The following STK39 variants were observed in gnomAD, a reference collection of about 807,000 sequenced individuals.
The protein encoded by STK39 is serine/threonine kinase 39, also known as STE20/SPS1-related proline-alanine-rich protein kinase.
A neutral mutation model predicts 77.8 loss-of-function variants in STK39; 20 were observed. That is an observed-to-expected ratio of 0.26 (90% CI 0.18 to 0.37). STK39 has a LOEUF of 0.37. Ranked by LOEUF, STK39 falls within the 10% of genes least tolerant of loss-of-function variation. The probability of loss-of-function intolerance (pLI) is 1.00; values close to 1 mark genes in which losing one functional copy is unlikely to be tolerated. For synonymous variants in STK39, 246 were observed against 234.1 expected, an observed-to-expected ratio of 1.05 and a Z score of -0.47; for missense variants, 479 against 656.5, an observed-to-expected ratio of 0.73 and a Z score of 2.95.
chr2:168,089,495 T>C (rs902225648), intron 10 of STK39, among the ~76,000 whole-genome samples: 1 of 152,208 alleles, frequency 6.6e-6, no homozygotes, highest in South Asian at 2.1e-4. Context: ...TTTCAAGAAC[T>C]AAAAAATGAA....
At chr2:168,230,426 G>A (rs1690424455) in intron 1 of STK39, among the ~76,000 whole-genome samples, 1 of 152,170 alleles carries the variant, frequency 6.6e-6, no homozygotes, top group South Asian at 2.1e-4. Flanking sequence ...TGGAAAGTGA[G>A]GGCCAGCCAA....
intron 14 of STK39, among the ~76,000 whole-genome samples, chr2:168,058,018 T>A (rs1165054881): frequency 6.6e-6 from 1 of 152,152 alleles, no homozygotes; most frequent in Non-Finnish European, 1.5e-5. Flanking sequence ...CATGCTTTTT[T>A]TAAAAAAAAT....
intron 1 of STK39, among the ~76,000 whole-genome samples, chr2:168,211,239 A>C (rs965843180): frequency 3.7e-5 from 4 of 109,170 alleles, no homozygotes; most frequent in African/African-American, 9.0e-5. Context: ...CACCCCATCT[A>C]TCTCATCTCA....
At chr2:168,231,903 G>A (rs1331048096) in intron 1 of STK39, 7 of 235,290 alleles carry the variant, frequency 3.0e-5, no homozygotes, top group Non-Finnish European at 6.6e-5. Flanking sequence ...GTGGGGGGAG[G>A]AAGGGGCCAC....
intron 10 of STK39, among the ~76,000 whole-genome samples, chr2:168,093,789 G>T (rs1420323935): frequency 1.3e-5 from 2 of 152,120 alleles, no homozygotes; most frequent in East Asian, 3.9e-4. Context: ...AAGGCAAACT[G>T]GTCGCTGCAT....
intron 10 of STK39, among the ~76,000 whole-genome samples, chr2:168,113,671 C>T (rs1417335070): frequency 6.6e-6 from 1 of 152,170 alleles, no homozygotes; most frequent in Non-Finnish European, 1.5e-5. Flanking sequence ...GACACAGAGG[C>T]TGTCTCAGTC....
chr2:168,044,444 A>G (rs1250889333), intron 14 of STK39, among the ~76,000 whole-genome samples: 1 of 152,206 alleles, frequency 6.6e-6, no homozygotes, highest in African/African-American at 2.4e-5. Context: ...AGCCTAAGAG[A>G]GGTTACTGGG....
chr2:168,218,702 T>G (rs752153952), intron 1 of STK39, among the ~76,000 whole-genome samples: 2 of 152,044 alleles, frequency 1.3e-5, no homozygotes, highest in African/African-American at 2.4e-5. Context: ...ACACTCCTCC[T>G]CCACCCCCAA....
chr2:168,088,812 T>C (rs772156214), intron 10 of STK39, among the ~76,000 whole-genome samples: 15 of 152,176 alleles, frequency 9.9e-5, no homozygotes, highest in African/African-American at 2.4e-4. Context: ...TTTTTCACCA[T>C]GTTGTACACT....
chr2:168,004,732 C>CAA (rs529234296), intron 16 of STK39, among the ~76,000 whole-genome samples: 2 of 93,802 alleles, frequency 2.1e-5, no homozygotes, highest in Non-Finnish European at 4.8e-5. Context: ...GACTCCATCT[C>CAA]AAAAAAAAAA....
Position 168,081,307 on chromosome 2 carries a change from T to C in STK39, c.1090-6076A>G, listed in dbSNP as rs548465607. Among the ~76,000 whole-genome samples the C allele has an allele frequency of 3.9e-5, 6 of 152,286 alleles. No homozygotes were observed. The South Asian group carries it at 1.0e-3, about 26-fold the overall frequency. On this transcript the variant is annotated intron_variant, in intron 10 of 17. Coordinates refer to ENST00000355999, the MANE Select transcript of STK39 (RefSeq NM_013233.3). Reference sequence around the variant, plus strand: ...AGACCATGGGAACCCATCTCTTGCATCAGCGTAACCTGGATGTGAGACATG... The same window carrying C: ...AGACCATGGGAACCCATCTCTTGCACCAGCGTAACCTGGATGTGAGACATG...
chr2:168,131,273 A>G (rs1428290475), intron 8 of STK39, among the ~76,000 whole-genome samples: 1 of 152,216 alleles, frequency 6.6e-6, no homozygotes, highest in Non-Finnish European at 1.5e-5. Context: ...CATATGTTTT[A>G]AATGTTTCAT....
intron 8 of STK39, among the ~76,000 whole-genome samples, chr2:168,130,715 T>C (rs1687673395): frequency 6.6e-6 from 1 of 152,258 alleles, no homozygotes; most frequent in African/African-American, 2.4e-5. Flanking sequence ...AGTAGCAGAA[T>C]ACTGAGTTCC....
chr2:168,127,546 C>T (rs1170729626), intron 10 of STK39, among the ~76,000 whole-genome samples: 1 of 152,150 alleles, frequency 6.6e-6, no homozygotes, highest in African/African-American at 2.4e-5. Context: ...ATGGGTTACA[C>T]AGTGGGAAGC....
intron 14 of STK39, among the ~76,000 whole-genome samples, chr2:168,027,634 AC>A (rs898221865): frequency 5.3e-5 from 8 of 152,208 alleles, no homozygotes; most frequent in African/African-American, 1.9e-4. Context: ...GCATGAGCAC[AC>A]ACATACACAA....
chr2:168,007,348 T>C (rs937671091), intron 16 of STK39, among the ~76,000 whole-genome samples: 1 of 152,162 alleles, frequency 6.6e-6, no homozygotes, highest in Non-Finnish European at 1.5e-5. Flanking sequence ...TTACGATATA[T>C]CTATATATAT....
intron 1 of STK39, among the ~76,000 whole-genome samples, chr2:168,194,436 T>G (rs1689419911): frequency 6.6e-6 from 1 of 151,912 alleles, no homozygotes. Context: ...AATTAATTAA[T>G]TAAAGTAAAA....
intron 10 of STK39, among the ~76,000 whole-genome samples, chr2:168,102,270 C>G (rs1686848828): frequency 6.6e-6 from 1 of 152,152 alleles, no homozygotes; most frequent in African/African-American, 2.4e-5. Context: ...ATACTCCCAC[C>G]AGCATGGGAG....
chr2:168,129,702 C>T lies in STK39; in HGVS notation c.1023+8G>A, dbSNP rs1687631156. 6.2e-7 allele frequency: 1 copy of T among 1,613,906 alleles called. No individual in the cohort carries two copies. Among genetic ancestry groups the T allele is most frequent in the African/African-American group, 1.3e-5 (1 of 74,922 alleles). On this transcript the variant is annotated splice_region_variant and intron_variant, in intron 9 of 17. Transcript: ENST00000355999. Reference sequence around the variant, plus strand: ...TAGCAGATTTACTTGGGTTTTTAAGCATGTTACCTTGGCTTTCTGGAAGAA... The same window carrying T: ...TAGCAGATTTACTTGGGTTTTTAAGTATGTTACCTTGGCTTTCTGGAAGAA...
Sources: allele counts gnomAD v4.1 joint callset (sites outside exome capture counted in the v4.1 genomes callset), GRCh38; gene constraint gnomAD v4.1.1; transcripts MANE v1.5; gene names NCBI Gene and HGNC (gene_info 2026-07-23, HGNC 2026-07-21).